Variants in KIAA1549L observed in about 807,000 individuals in gnomAD.
KIAA1549L encodes the protein UPF0606 protein KIAA1549L.
A neutral mutation model predicts 160.7 loss-of-function variants in KIAA1549L; 88 were observed. The observed-to-expected ratio is 0.55, with a 90% CI of 0.46 to 0.65. The LOEUF is 0.65. Ranked by LOEUF, KIAA1549L falls within the 30% of genes least tolerant of loss-of-function variation. The pLI is 0.00. For missense variants in KIAA1549L, 2,258 were observed against 2,437.5 expected (o/e 0.93, Z 1.55); for synonymous variants, 950 against 976.7 (o/e 0.97, Z 0.51).
intron 1 of KIAA1549L, among the ~76,000 whole-genome samples, chr11:33,455,932 A>T (rs1489616146): frequency 1.3e-5 from 2 of 152,206 alleles, no homozygotes; most frequent in African/African-American, 4.8e-5. Context: ...AAATACTAGC[A>T]TGTCTTAAAT....
intron 1 of KIAA1549L, among the ~76,000 whole-genome samples, chr11:33,513,485 G>A (rs1388006795): frequency 1.3e-5 from 2 of 152,080 alleles, no homozygotes; most frequent in Non-Finnish European, 2.9e-5. Flanking sequence ...TTCAGTCCAG[G>A]GTCAGCCACC....
chr11:33,500,296 G>A (rs1318133375), intron 1 of KIAA1549L, among the ~76,000 whole-genome samples: 9 of 152,156 alleles, frequency 5.9e-5, no homozygotes, highest in Admixed American at 5.9e-4. Flanking sequence ...TAAATCCAGT[G>A]CTGTTGTAGT....
chr11:33,586,015 T>C (rs1849859530), intron 11 of KIAA1549L, among the ~76,000 whole-genome samples: 1 of 152,250 alleles, frequency 6.6e-6, no homozygotes, highest in Non-Finnish European at 1.5e-5. Flanking sequence ...AACTGCCTCC[T>C]GCTTACTGCA....
At chr11:33,405,096 ATTG>A (rs1467152291) in intron 1 of KIAA1549L, among the ~76,000 whole-genome samples, 1 of 151,980 alleles carries the variant, frequency 6.6e-6, no homozygotes, top group Non-Finnish European at 1.5e-5. Context: ...ATTTTGTTAT[ATTG>A]TTTTTGTTTT....
chr11:33,671,022 A>T lies in KIAA1549L; in HGVS notation c.*2868A>T, dbSNP rs1350244904. On this transcript the variant is annotated 3_prime_UTR_variant, in exon 21 of 21. Transcript: ENST00000658780. ...AGATAAGGGTCATATGAAGAACTCC[A>T]TAATGTTCTTGCCAAGAAAAAAGAT... is the stretch of plus-strand genomic sequence containing the variant. 6.6e-6 allele frequency: 1 copy of T among 152,248 alleles called. No individual in the cohort carries two copies. The highest frequency in any genetic ancestry group is 1.5e-5 in the Non-Finnish European group (1 of 68,054). The allele number at this position is 152,248 out of a possible 1,614,324, so 9.4% of individuals were successfully genotyped here. A position where few individuals can be genotyped will look rare whatever the true frequency, so the allele number is the denominator to read the frequency against.
At chr11:33,604,907 G>A (rs772802760) in intron 13 of KIAA1549L, among the ~76,000 whole-genome samples, 2 of 152,132 alleles carry the variant, frequency 1.3e-5, no homozygotes, top group African/African-American at 2.4e-5. Flanking sequence ...TATAGAATTC[G>A]TCTGTGTAAC....
At chr11:33,378,763 C>G (rs1439732164) in intron 1 of KIAA1549L, among the ~76,000 whole-genome samples, 2 of 151,970 alleles carry the variant, frequency 1.3e-5, no homozygotes, top group African/African-American at 4.8e-5. Context: ...GGGTTTGCCA[C>G]TGATTCAATT....
chr11:33,436,678 G>A (rs57136990), intron 1 of KIAA1549L, among the ~76,000 whole-genome samples: 4,209 of 152,326 alleles, frequency 0.028, 81 homozygotes, highest in African/African-American at 0.061. Flanking sequence ...GCATAGAATG[G>A]TTTAACAACT....
At chr11:33,481,393 C>G (rs76865254) in intron 1 of KIAA1549L, among the ~76,000 whole-genome samples, 1 of 152,106 alleles carries the variant, frequency 6.6e-6, no homozygotes, top group Non-Finnish European at 1.5e-5. Flanking sequence ...TATAGGTAAA[C>G]TGGAAATTTT....
At chr11:33,599,817 G>C (rs1223689562) in intron 13 of KIAA1549L, among the ~76,000 whole-genome samples, 1 of 152,210 alleles carries the variant, frequency 6.6e-6, no homozygotes, top group Non-Finnish European at 1.5e-5. Flanking sequence ...TCATATCAGG[G>C]AAAAGTCCTT....
intron 1 of KIAA1549L, among the ~76,000 whole-genome samples, chr11:33,426,427 A>G (rs1488209091): frequency 6.6e-6 from 1 of 152,200 alleles, no homozygotes; most frequent in Non-Finnish European, 1.5e-5. Flanking sequence ...GTCAAACTGT[A>G]TCTTGACTGA....
rs144591182 is a variant in KIAA1549L, at chr11:33,491,086, G to A, written c.239-50716G>A. 9.3e-3 allele frequency among the ~76,000 whole-genome samples: 1,414 copies of A among 152,262 alleles called. 22 individuals carry two copies. The highest frequency in any genetic ancestry group is 0.033 in the African/African-American group (1,353 of 41,544). On this transcript the variant is annotated intron_variant, in intron 1 of 20. Transcript: ENST00000658780. ...TCAACTAGACTCTGAGTTTCTTGAG[G>A]GCTGAGACCATTTATGCTTGACAAT...
chr11:33,550,059 A>C (rs889287122), intron 4 of KIAA1549L, among the ~76,000 whole-genome samples: 2 of 152,040 alleles, frequency 1.3e-5, no homozygotes, highest in East Asian at 3.9e-4. Context: ...AAAAAACACA[A>C]AATGAAACCC....
chr11:33,509,731 C>T (rs1280499781), intron 1 of KIAA1549L, among the ~76,000 whole-genome samples: 1 of 152,148 alleles, frequency 6.6e-6, no homozygotes, highest in Admixed American at 6.5e-5. Flanking sequence ...GAAGCATACA[C>T]CTGCCGCTGC....
chr11:33,453,258 T>A (rs1851757209), intron 1 of KIAA1549L, among the ~76,000 whole-genome samples: 1 of 152,188 alleles, frequency 6.6e-6, no homozygotes, highest in Admixed American at 6.5e-5. Flanking sequence ...TCTGTAGGGA[T>A]GGGCCTGTCT....
intron 18 of KIAA1549L, among the ~76,000 whole-genome samples, chr11:33,656,992 G>T (rs890609830): frequency 1.1e-4 from 17 of 152,116 alleles, no homozygotes; most frequent in Admixed American, 3.3e-4. Flanking sequence ...GAGCACAGGG[G>T]CCTAGATGAT....
At chr11:33,481,437 A>C (rs113930051) in intron 1 of KIAA1549L, among the ~76,000 whole-genome samples, 9 of 152,252 alleles carry the variant, frequency 5.9e-5, no homozygotes, top group African/African-American at 1.7e-4. Flanking sequence ...GTTTTAATGC[A>C]TAAATTGTTG....
rs1375634741 is a variant in KIAA1549L at position 33,559,785 on chromosome 11, T to G, written c.3892T>G (p.Leu1298Val). 8 of 1,614,008 alleles carry G rather than the reference T, an allele frequency of 5.0e-6. No homozygotes were observed. Among genetic ancestry groups the G allele is most frequent in the Non-Finnish European group, 5.9e-6 (7 of 1,179,870 alleles). Residue 1298 changes from leucine (L) to valine (V), a missense_variant, in exon 7 of 21, where the codon TTG (leucine) becomes GTG (valine). Transcript: ENST00000658780. ...GTCCAATGCCTCCCAGGCAGTCACC[T>G]TGGTGTACGTCGTGGGCAATCAGAG... Reference protein sequence around the residue: ...STSNASQAVTLVYVVGNQSTF... With the variant: ...STSNASQAVTVVYVVGNQSTF...
In KIAA1549L at chr11:33,376,189, CAGCGAGG is replaced by C. The variant is rs1002349719; in HGVS notation, c.-445_-439del. On this transcript the variant is annotated 5_prime_UTR_variant, in exon 1 of 21. Transcript: ENST00000658780. The surrounding 1 kb of genome is among the most constrained non-coding windows in gnomAD (Gnocchi z 5.8). Reference sequence around the variant, plus strand: ...GGAGCCGGGGCTGGAACCCGAAGCCCAGCGAGGAGCGAGGAGCGAGGAGCCAGGACAG... The same window carrying C: ...GGAGCCGGGGCTGGAACCCGAAGCCCAGCGAGGAGCGAGGAGCCAGGACAG... Among the ~76,000 whole-genome samples the C allele has an allele frequency of 8.7e-5, 13 of 149,718 alleles. No individual in the cohort carries two copies. The highest frequency in any genetic ancestry group is 3.9e-4 in the East Asian group (2 of 5,090).
Sources: allele counts gnomAD v4.1 joint callset (sites outside exome capture counted in the v4.1 genomes callset), GRCh38; gene constraint gnomAD v4.1.1; non-coding constraint Gnocchi (gnomAD v3.1); transcripts MANE v1.5; gene names NCBI Gene and HGNC (gene_info 2026-07-23, HGNC 2026-07-21).